Variants in CT83 observed in about 807,000 individuals in gnomAD.
The protein encoded by CT83 is cancer/testis antigen 83.
Under a neutral mutation model 1.7 loss-of-function variants are expected in CT83, and 3 were observed. The ratio of observed to expected loss-of-function variants is 1.76; its 90% CI spans 0.80 to 4.55. The LOEUF is 4.55. Ranked by LOEUF, CT83 falls within the 30% of genes most tolerant of loss-of-function variation. The pLI is 0.02. For missense variants in CT83, 80 were observed against 84.8 expected (o/e 0.94, Z 0.22); for synonymous variants, 35 against 33.0 (o/e 1.06, Z -0.20).
intron 1 of CT83, 70 bp from the exon 2 acceptor site, chrX:116,462,077 C>T: frequency 1.1e-6 from 1 of 872,800 alleles, no homozygotes; most frequent in African/African-American, 2.0e-5. Flanking sequence ...CGAAAAACAA[C>T]TTGTTTAATC....
chrX:116,461,891 C>G lies in CT83; in HGVS notation c.192G>C (p.Arg64=). ...DNNLAVYDLS[R]DILNNFPHSI... ...AGTGTGGGAAATTATTTAAAATATCCCGAGAGAGGTCGTAGACTGCAAGAT... is the reference window on the plus strand; with the variant it reads ...AGTGTGGGAAATTATTTAAAATATCGCGAGAGAGGTCGTAGACTGCAAGAT... The change falls in exon 2 of 2, where the codon CGG becomes CGC. Residue 64 remains arginine, a synonymous_variant. Transcript: ENST00000371894. 8.3e-7 allele frequency: 1 copy of G among 1,210,795 alleles called. No homozygotes were observed. The highest frequency in any genetic ancestry group is 1.7e-5 in the African/African-American group (1 of 57,549).
Position 116,461,891 on chromosome X carries a change from C to T in CT83, c.192G>A (p.Arg64=). ...DNNLAVYDLS[R]DILNNFPHSI... ...AGTGTGGGAAATTATTTAAAATATCCCGAGAGAGGTCGTAGACTGCAAGAT... is the reference window on the plus strand; with the variant it reads ...AGTGTGGGAAATTATTTAAAATATCTCGAGAGAGGTCGTAGACTGCAAGAT... Residue 64 remains arginine, a synonymous_variant, in exon 2 of 2, where the codon CGG becomes CGA. Coordinates refer to ENST00000371894, the MANE Select transcript of CT83 (RefSeq NM_001017978.4). 6 of 1,210,795 alleles carry T rather than the reference C, an allele frequency of 5.0e-6. No individual in the cohort carries two copies. Among genetic ancestry groups the T allele is most frequent in the Non-Finnish European group, 6.7e-6 (6 of 895,115 alleles).
intron 1 of CT83, among the ~76,000 whole-genome samples, chrX:116,462,245 A>T (rs1928081520): frequency 1.8e-5 from 2 of 111,387 alleles, no homozygotes; most frequent in Admixed American, 9.5e-5. Flanking sequence ...CTTTCCTTAC[A>T]TTTCCTGTAA....
chrX:116,462,349 T>C (rs1460327378), intron 1 of CT83, among the ~76,000 whole-genome samples: 1 of 111,522 alleles, frequency 9.0e-6, no homozygotes, highest in Non-Finnish European at 1.9e-5. Context: ...AAAATCCACA[T>C]TCACACTCGA....
Position 116,461,867 on chromosome X carries a change from G to A in CT83, c.216C>T (p.His72=). The change falls in exon 2 of 2, where the codon CAC becomes CAT. Residue 72 remains histidine (H), a synonymous_variant. Coordinates refer to ENST00000371894, the MANE Select transcript of CT83 (RefSeq NM_001017978.4). ...LSRDILNNFP[H]SIARQKRILV... ...ATATTCGCTTCTGCCTGGCTATTGA[G>A]TGTGGGAAATTATTTAAAATATCCC... 1.7e-6 allele frequency: 2 copies of A among 1,211,214 alleles called. No homozygotes were observed. Among genetic ancestry groups the A allele is most frequent in the Non-Finnish European group, 2.2e-6 (2 of 895,262 alleles).
chrX:116,462,932 C>A lies in CT83; in HGVS notation c.-76G>T. On this transcript the variant is annotated 5_prime_UTR_variant, in exon 1 of 2. Transcript: ENST00000371894. Reference sequence around the variant, plus strand: ...TAGTTGGGAAGCAGTGGGCCTCTAGCCGCCTGGATTTGGGAAACTTTGGGC... The same window carrying A: ...TAGTTGGGAAGCAGTGGGCCTCTAGACGCCTGGATTTGGGAAACTTTGGGC... The A allele has an allele frequency of 2.9e-6, 3 of 1,022,719 alleles. No homozygotes were observed. Among genetic ancestry groups the A allele is most frequent in the Admixed American group, 4.6e-5 (2 of 43,125 alleles). 84.3% of individuals were successfully genotyped at this position (1,022,719 alleles called of 1,213,427 possible).
intron 1 of CT83, among the ~76,000 whole-genome samples, chrX:116,462,523 A>G (rs1231593367): frequency 9.0e-6 from 1 of 111,609 alleles, no homozygotes; most frequent in African/African-American, 3.3e-5. Context: ...TTGATCTCCA[A>G]TGAGTGGAAA....
intron 1 of CT83, 138 bp from the exon 2 acceptor site, chrX:116,462,145 T>A: frequency 2.0e-6 from 1 of 495,545 alleles, no homozygotes; most frequent in Non-Finnish European, 3.3e-6. Context: ...ATGTATTGAA[T>A]TACTACATTA....
In CT83 at chrX:116,461,841, A is replaced by G. The variant is rs918356171; in HGVS notation, c.242T>C (p.Leu81Ser). Residue 81 changes from leucine to serine, a missense_variant, in exon 2 of 2, where the codon TTG (leucine) becomes TCG (serine). By Grantham distance (145) the Leu-to-Ser change is moderately radical. Transcript: ENST00000371894. ...GTTTTCCACCATACTGAGGTTTACC[A>G]ATATTCGCTTCTGCCTGGCTATTGA... ...PHSIARQKRILVNLSMVENKL... is the reference protein window; with the variant it reads ...PHSIARQKRISVNLSMVENKL... The G allele has an allele frequency of 4.1e-6, 5 of 1,211,065 alleles. No homozygotes were observed. The highest frequency in any genetic ancestry group is 4.5e-6 in the Non-Finnish European group (4 of 895,015).
chrX:116,462,522 A>G (rs1928087994), intron 1 of CT83, among the ~76,000 whole-genome samples: 1 of 111,623 alleles, frequency 9.0e-6, no homozygotes, highest in Admixed American at 9.5e-5. Flanking sequence ...TTTGATCTCC[A>G]ATGAGTGGAA....
chrX:116,462,794 A>T lies in CT83; in HGVS notation c.63T>A (p.Tyr21Ter). ...CATTCACCATTACCTGAAAGCGGCG[A>T]TATTTCCAGAAGACAATCAAGGCAC... is the stretch of plus-strand genomic sequence containing the variant. ...ILCALIVFWK[Y>*]RRFQRNTGEM... Residue 21 changes from tyrosine (Y) to a stop codon, truncating the protein, a stop_gained, in exon 1 of 2, where the codon TAT (tyrosine) becomes TAA (stop). Coordinates refer to ENST00000371894, the MANE Select transcript of CT83 (RefSeq NM_001017978.4). LOFTEE classifies it low-confidence loss of function (END_TRUNC). 2.5e-6 allele frequency: 3 copies of T among 1,211,467 alleles called. No individual in the cohort carries two copies. The highest frequency in any genetic ancestry group is 3.4e-6 in the Non-Finnish European group (3 of 895,117).
rs782693736 is a variant in CT83 at position 116,461,999 on chromosome X, AGT to A, written c.82_83del (p.Thr28TrpfsTer22). 6.6e-6 allele frequency: 8 copies of A among 1,205,830 alleles called. No individual in the cohort carries two copies. The African/African-American group carries it at 1.4e-4, about 21-fold the overall frequency. ...CAGTTGAATTTGATGACATTTCGCC[AGT>A]GTTTCTCTGTAAAGAAAGGGAATTA... ...FWKYRRFQRN[T>X]GEMSSNSTAL... is the part of the protein sequence containing the mutation. On this transcript the variant is annotated frameshift_variant, in exon 2 of 2. Coordinates refer to ENST00000371894, the MANE Select transcript of CT83 (RefSeq NM_001017978.4). LOFTEE classifies it low-confidence loss of function (END_TRUNC).
chrX:116,462,305 T>C (rs1556695258), intron 1 of CT83, among the ~76,000 whole-genome samples: 8 of 111,693 alleles, frequency 7.2e-5, no homozygotes. Context: ...TTGACTCTTA[T>C]CTAAAAGCAC....
Position 116,461,984 on chromosome X carries a change from T to G in CT83, c.99A>C (p.Ser33=), listed in dbSNP as rs782202522. Residue 33 remains serine, a synonymous_variant, in exon 2 of 2, where the codon TCA becomes TCC. Transcript: ENST00000371894. Reference sequence around the variant, plus strand: ...TCACTAGTGCAAGAGCAGTTGAATTTGATGACATTTCGCCAGTGTTTCTCT... The same window carrying G: ...TCACTAGTGCAAGAGCAGTTGAATTGGATGACATTTCGCCAGTGTTTCTCT... ...RFQRNTGEMS[S]NSTALALVRP... The G allele has an allele frequency of 4.1e-5, 50 of 1,208,268 alleles. 1 individual carries two copies. The highest frequency in any genetic ancestry group is 2.2e-6 in the Non-Finnish European group (2 of 893,804).
At chrX:116,462,091 G>C (rs1400912488) in intron 1 of CT83, 84 bp from the exon 2 acceptor site, 1 of 811,229 alleles carries the variant, frequency 1.2e-6, no homozygotes, top group East Asian at 3.2e-5. Flanking sequence ...TTTAATCTTG[G>C]TCACCAAAAT....
chrX:116,462,120 A>C, intron 1 of CT83, 113 bp from the exon 2 acceptor site: 2 of 585,456 alleles, frequency 3.4e-6, no homozygotes, highest in Non-Finnish European at 5.4e-6. Context: ...TTCCCCTAAT[A>C]TGTCGAGATT....
chrX:116,462,121 T>A (rs1928078947), intron 1 of CT83, 114 bp from the exon 2 acceptor site: 5 of 582,212 alleles, frequency 8.6e-6, no homozygotes, highest in Non-Finnish European at 1.4e-5. Context: ...TCCCCTAATA[T>A]GTCGAGATTA....
In CT83 at chrX:116,462,893, AC is replaced by A; in HGVS notation, c.-38del. On this transcript the variant is annotated 5_prime_UTR_variant, in exon 1 of 2. Transcript: ENST00000371894. ...GGCCTCTTCTCCCTTCTCGGGACGG[AC>A]CCCCTCAGCTGGTAGTTGGGAAGCA... is the stretch of plus-strand genomic sequence containing the variant. The A allele has an allele frequency of 8.5e-7, 1 of 1,181,459 alleles. No homozygotes were observed. The highest frequency in any genetic ancestry group is 1.8e-5 in the South Asian group (1 of 55,926).
Position 116,462,846 on chromosome X carries a change from T to A in CT83, c.11A>T (p.Tyr4Phe). Reference protein sequence around the residue: MNFYLLLASSILCA... With the variant: MNFFLLLASSILCA... ...CAGAATGCTGCTCGCTAGGAGTAAA[T>A]AGAAGTTCATGTTTCCTCTTCGGCC... Residue 4 changes from tyrosine (Y) to phenylalanine (F), a missense_variant, in exon 1 of 2, where the codon TAT becomes TTT. Tyr to Phe is a conservative substitution (Grantham distance 22). Transcript: ENST00000371894. 1 of 1,210,937 alleles carries A rather than the reference T, an allele frequency of 8.3e-7. No individual in the cohort carries two copies. The highest frequency in any genetic ancestry group is 1.1e-6 in the Non-Finnish European group (1 of 894,895).
Sources: allele counts gnomAD v4.1 joint callset (sites outside exome capture counted in the v4.1 genomes callset), GRCh38; gene constraint gnomAD v4.1.1; transcripts MANE v1.5; gene names NCBI Gene and HGNC (gene_info 2026-07-23, HGNC 2026-07-21).